Variants in THSD7B observed in about 807,000 individuals in gnomAD.
The protein encoded by THSD7B is thrombospondin type-1 domain-containing protein 7B.
A neutral mutation model predicts 213.6 loss-of-function variants in THSD7B; 138 were observed. That is an observed-to-expected ratio of 0.65 (90% CI 0.56 to 0.74). The LOEUF is 0.74. Ranked by LOEUF, THSD7B falls within the 30% of genes least tolerant of loss-of-function variation. The pLI is 0.00. For missense variants in THSD7B, 1,931 were observed against 1,991.5 expected (o/e 0.97, Z 0.58); for synonymous variants, 742 against 687.0 (o/e 1.08, Z -1.25).
Position 137,115,217 on chromosome 2 carries a change from T to C in THSD7B, c.1293T>C (p.Cys431=). 6.2e-7 allele frequency: 1 copy of C among 1,613,824 alleles called. No homozygotes were observed. The highest frequency in any genetic ancestry group is 8.5e-7 in the Non-Finnish European group (1 of 1,179,816). Residue 431 remains cysteine, a synonymous_variant, in exon 5 of 28, where the codon TGT becomes TGC. Coordinates refer to ENST00000409968, the MANE Select transcript of THSD7B (RefSeq NM_001316349.2). ...ACTGGCATGTGACGGGACCCGTGTG[T>C]GGCGGTGGGATCCAGACCCGGGAGG... ...DPHWHVTGPV[C]GGGIQTREVY...
At chr2:136,865,788 G>A (rs1024294549) in intron 1 of THSD7B, among the ~76,000 whole-genome samples, 2 of 152,174 alleles carry the variant, frequency 1.3e-5, no homozygotes, top group African/African-American at 2.4e-5. Flanking sequence ...CTTCTCATAA[G>A]TTCATTGATC....
chr2:137,536,156 G>A (rs1478928988), intron 15 of THSD7B, among the ~76,000 whole-genome samples: 7 of 150,162 alleles, frequency 4.7e-5, no homozygotes, highest in African/African-American at 7.3e-5. Context: ...AGGGGGCCCT[G>A]CCGTGTTTTG....
At chr2:137,389,389 A>C in intron 12 of THSD7B, among the ~76,000 whole-genome samples, 1 of 126,246 alleles carries the variant, frequency 7.9e-6, no homozygotes, top group African/African-American at 3.0e-5. Flanking sequence ...TAGTTTGACC[A>C]CTTCTTAATG....
At chr2:137,188,906 G>C (rs557178957) in intron 7 of THSD7B, among the ~76,000 whole-genome samples, 1 of 152,308 alleles carries the variant, frequency 6.6e-6, no homozygotes, top group African/African-American at 2.4e-5. Context: ...TGGAGGAAGA[G>C]TTTTACATAG....
At chr2:136,952,460 G>T (rs1317446970) in intron 2 of THSD7B, among the ~76,000 whole-genome samples, 1 of 132,788 alleles carries the variant, frequency 7.5e-6, no homozygotes, top group Non-Finnish European at 1.6e-5. Flanking sequence ...TTTTGTGGGT[G>T]TAAGTTAGTG....
intron 15 of THSD7B, among the ~76,000 whole-genome samples, chr2:137,505,595 G>A (rs1266332625): frequency 1.3e-5 from 2 of 152,192 alleles, no homozygotes; most frequent in South Asian, 2.1e-4. Context: ...TTCTGCGAAC[G>A]GAGTCCTGGG....
chr2:136,874,491 G>A (rs1649544), intron 1 of THSD7B, among the ~76,000 whole-genome samples: 130,821 of 152,224 alleles, frequency 0.86, 56,601 homozygotes, highest in Non-Finnish European at 0.91. Context: ...ATGGAGATGT[G>A]CATAATCACA....
At chr2:137,144,556 A>G (rs1679654514) in intron 5 of THSD7B, among the ~76,000 whole-genome samples, 1 of 152,040 alleles carries the variant, frequency 6.6e-6, no homozygotes, top group African/African-American at 2.4e-5. Flanking sequence ...AAATATCTAC[A>G]TAGTCTACAG....
chr2:136,976,475 T>C (rs542288174), intron 2 of THSD7B, among the ~76,000 whole-genome samples: 45 of 152,322 alleles, frequency 3.0e-4, no homozygotes, highest in African/African-American at 1.1e-3. Flanking sequence ...GTTACATTTA[T>C]TGATTTGCAT....
At chr2:137,013,108 G>A (rs1318488737) in intron 2 of THSD7B, among the ~76,000 whole-genome samples, 1 of 152,146 alleles carries the variant, frequency 6.6e-6, no homozygotes, top group Non-Finnish European at 1.5e-5. Flanking sequence ...TTAATTCTGT[G>A]AAATGTATAA....
At chr2:136,980,472 C>T (rs1685555940) in intron 2 of THSD7B, among the ~76,000 whole-genome samples, 1 of 152,162 alleles carries the variant, frequency 6.6e-6, no homozygotes. Flanking sequence ...AGGGAGGCCC[C>T]ACCCCATGAG....
At chr2:137,530,222 C>A (rs1680370992) in intron 15 of THSD7B, among the ~76,000 whole-genome samples, 1 of 151,980 alleles carries the variant, frequency 6.6e-6, no homozygotes, top group Non-Finnish European at 1.5e-5. Context: ...ATGAGTAAAT[C>A]ATGTTTATAA....
At chr2:137,398,520 T>G (rs1308017107) in intron 12 of THSD7B, among the ~76,000 whole-genome samples, 1 of 151,874 alleles carries the variant, frequency 6.6e-6, no homozygotes, top group African/African-American at 2.4e-5. Flanking sequence ...AGTCTACCCG[T>G]TCTCAGATCT....
At chr2:136,769,353 G>A (rs375959353) in intron 1 of THSD7B, among the ~76,000 whole-genome samples, 7 of 152,156 alleles carry the variant, frequency 4.6e-5, no homozygotes, top group South Asian at 2.1e-4. Flanking sequence ...ATAGTCCACC[G>A]GTGATTTAGT....
intron 12 of THSD7B, among the ~76,000 whole-genome samples, chr2:137,348,497 A>G (rs1684930268): frequency 6.6e-6 from 1 of 151,596 alleles, no homozygotes; most frequent in African/African-American, 2.4e-5. Flanking sequence ...TGTGCCAGAA[A>G]TGTCCTTATG....
intron 12 of THSD7B, among the ~76,000 whole-genome samples, chr2:137,283,310 A>T (rs965476732): frequency 6.6e-6 from 1 of 152,150 alleles, no homozygotes; most frequent in African/African-American, 2.4e-5. Flanking sequence ...TTGGGCTGAG[A>T]TGATGGGGTT....
At chr2:137,373,246 A>G (rs1213222590) in intron 12 of THSD7B, among the ~76,000 whole-genome samples, 3 of 152,108 alleles carry the variant, frequency 2.0e-5, no homozygotes, top group Admixed American at 2.0e-4. Context: ...TGGTATTTCT[A>G]GTTCTAGATC....
At chr2:137,300,137 A>G (rs1443190812) in intron 12 of THSD7B, among the ~76,000 whole-genome samples, 3 of 152,188 alleles carry the variant, frequency 2.0e-5, no homozygotes, top group Non-Finnish European at 4.4e-5. Flanking sequence ...AGGGAAATCA[A>G]ATAGGAATTT....
At chr2:136,954,875 A>G (rs1479389520) in intron 2 of THSD7B, among the ~76,000 whole-genome samples, 1 of 152,106 alleles carries the variant, frequency 6.6e-6, no homozygotes, top group East Asian at 1.9e-4. Context: ...TACATAAAAT[A>G]TATATAGATA....
Sources: gnomAD v4.1 joint callset for allele counts (sites outside exome capture counted in the v4.1 genomes callset) on GRCh38, gnomAD v4.1.1 for gene constraint, MANE v1.5 for transcripts, NCBI Gene and HGNC (gene_info 2026-07-23, HGNC 2026-07-21) for gene names.